Variants in RANBP9 observed in about 807,000 individuals in gnomAD.
RANBP9 encodes ran-binding protein 9.
A neutral mutation model predicts 84.3 loss-of-function variants in RANBP9; 15 were observed. The observed-to-expected ratio is 0.18, with a 90% confidence interval of 0.12 to 0.27. The LOEUF (loss-of-function observed/expected upper bound fraction) is 0.27. RANBP9 is among the 10% of genes least tolerant of loss of function. The probability of loss-of-function intolerance (pLI) is 1.00; values close to 1 mark genes in which losing one functional copy is unlikely to be tolerated. For missense variants in RANBP9, 809 were observed against 912.8 expected, an observed-to-expected ratio of 0.89 and a Z score of 1.46; for synonymous variants, 392 against 349.6, an observed-to-expected ratio of 1.12 and a Z score of -1.35.
At chr6:13,664,567 T>C (rs913719161) in intron 2 of RANBP9, among the ~76,000 whole-genome samples, 28 of 152,088 alleles carry the variant, frequency 1.8e-4, no homozygotes, top group African/African-American at 6.3e-4. Flanking sequence ...GTTAGATCAG[T>C]AAGATGACTA....
intron 1 of RANBP9, among the ~76,000 whole-genome samples, chr6:13,708,540 A>C (rs1432424614): frequency 6.6e-6 from 1 of 152,216 alleles, no homozygotes; most frequent in African/African-American, 2.4e-5. Flanking sequence ...ACTCTGGAAA[A>C]TAATTAAAAT....
chr6:13,703,256 T>A (rs1037058806), intron 1 of RANBP9, among the ~76,000 whole-genome samples: 2 of 152,226 alleles, frequency 1.3e-5, no homozygotes, highest in Admixed American at 1.3e-4. Context: ...AGTCTTTCAA[T>A]GTTGGTGTTC....
At chr6:13,673,440 G>C (rs1477237313) in intron 2 of RANBP9, among the ~76,000 whole-genome samples, 1 of 152,150 alleles carries the variant, frequency 6.6e-6, no homozygotes, top group Non-Finnish European at 1.5e-5. Flanking sequence ...TGAGAAAATA[G>C]AATCCTTATG....
chr6:13,699,984 A>G (rs1757926268), intron 1 of RANBP9, among the ~76,000 whole-genome samples: 1 of 152,246 alleles, frequency 6.6e-6, no homozygotes, highest in South Asian at 2.1e-4. Flanking sequence ...ATCACCTGAA[A>G]GTTTATTATT....
intron 10 of RANBP9, among the ~76,000 whole-genome samples, chr6:13,637,005 T>C (rs1168452446): frequency 6.6e-6 from 1 of 152,212 alleles, no homozygotes; most frequent in African/African-American, 2.4e-5. Flanking sequence ...TGGTTTGTTA[T>C]AGACCAAACC....
intron 2 of RANBP9, among the ~76,000 whole-genome samples, chr6:13,669,145 A>G (rs1001870299): frequency 6.6e-6 from 1 of 152,104 alleles, no homozygotes; most frequent in Non-Finnish European, 1.5e-5. Flanking sequence ...ATAAAAAAAA[A>G]GAATACTTAG....
intron 1 of RANBP9, among the ~76,000 whole-genome samples, chr6:13,708,723 TTGCTACTGCTAC>T (rs755869909): frequency 6.6e-6 from 1 of 152,076 alleles, no homozygotes; most frequent in African/African-American, 2.4e-5. Flanking sequence ...TACTTCTCCT[TTGCTACTGCTAC>T]TGCTACTGGG....
At chr6:13,656,910 T>C (rs1486314976) in intron 4 of RANBP9, among the ~76,000 whole-genome samples, 199 bp downstream of exon 4, 2 of 152,170 alleles carry the variant, frequency 1.3e-5, no homozygotes, top group Non-Finnish European at 2.9e-5. Context: ...ATGTATTATA[T>C]AGATGGCCTT....
At chr6:13,692,554 A>AAC (rs1766351729) in intron 2 of RANBP9, among the ~76,000 whole-genome samples, 1 of 138,770 alleles carries the variant, frequency 7.2e-6, no homozygotes, top group Non-Finnish European at 1.6e-5. Flanking sequence ...AAAAAAAAAA[A>AAC]CACAAAAAAC....
At chr6:13,674,961 GCAGT>G (rs1050008032) in intron 2 of RANBP9, among the ~76,000 whole-genome samples, 14 of 152,146 alleles carry the variant, frequency 9.2e-5, no homozygotes, top group African/African-American at 3.4e-4. Context: ...AGTAACTGTG[GCAGT>G]CAGCCACACT....
intron 5 of RANBP9, among the ~76,000 whole-genome samples, chr6:13,650,379 G>C (rs956821810): frequency 1.3e-5 from 2 of 151,734 alleles, no homozygotes; most frequent in African/African-American, 2.4e-5. Flanking sequence ...TTTTATTAAG[G>C]GATATAAATA....
intron 12 of RANBP9, among the ~76,000 whole-genome samples, chr6:13,632,025 T>C (rs1764795874): frequency 6.6e-6 from 1 of 151,486 alleles, no homozygotes; most frequent in Non-Finnish European, 1.5e-5. Context: ...TTGCTCCTAG[T>C]AACTGCTGAT....
chr6:13,678,788 A>G (rs534574917), intron 2 of RANBP9, among the ~76,000 whole-genome samples: 5 of 152,250 alleles, frequency 3.3e-5, no homozygotes, highest in African/African-American at 1.2e-4. Context: ...ACCTGTGAGT[A>G]TAATAAAATT....
chr6:13,695,028 T>C (rs1050153587), intron 2 of RANBP9, among the ~76,000 whole-genome samples: 1 of 152,140 alleles, frequency 6.6e-6, no homozygotes, highest in Non-Finnish European at 1.5e-5. Context: ...ATGTGTAAAA[T>C]ATACCTAATT....
intron 2 of RANBP9, among the ~76,000 whole-genome samples, chr6:13,676,068 CTCCA>C (rs1006906871): frequency 6.6e-6 from 1 of 151,986 alleles, no homozygotes. Context: ...TCAAAATAAA[CTCCA>C]TCCATTGAAA....
intron 2 of RANBP9, among the ~76,000 whole-genome samples, chr6:13,693,678 A>C (rs150573875): frequency 0.014 from 2,112 of 152,306 alleles, 50 homozygotes; most frequent in African/African-American, 0.048. Context: ...ATGAAACACA[A>C]GAACTATGTC....
intron 2 of RANBP9, among the ~76,000 whole-genome samples, chr6:13,685,834 G>A (rs1766161572): frequency 6.6e-6 from 1 of 151,382 alleles, no homozygotes. Flanking sequence ...GGGAGGCTGA[G>A]GTGGGAGAAT....
intron 2 of RANBP9, among the ~76,000 whole-genome samples, chr6:13,663,151 G>GA (rs570601974): frequency 6.6e-6 from 1 of 151,380 alleles, no homozygotes; most frequent in African/African-American, 2.4e-5. Context: ...TAACAAAAAA[G>GA]AAAAAAAGTG....
At chr6:13,632,543 AT>A in intron 11 of RANBP9, 22 bp from the exon 12 acceptor site, 2 of 1,597,980 alleles carry the variant, frequency 1.3e-6, no homozygotes, top group Non-Finnish European at 8.6e-7. Flanking sequence ...ACAGACAAGT[AT>A]TTTACTACCT....
Sources: gnomAD v4.1 joint callset for allele counts (sites outside exome capture counted in the v4.1 genomes callset) on GRCh38, gnomAD v4.1.1 for gene constraint, MANE v1.5 for transcripts, NCBI Gene and HGNC (gene_info 2026-07-23, HGNC 2026-07-21) for gene names.